Variants in ZFP64 observed in about 807,000 individuals in gnomAD.
The protein encoded by ZFP64 is ZFP64 zinc finger protein.
Under a neutral mutation model 51.6 loss-of-function variants are expected in ZFP64, and 14 were observed. The ratio of observed to expected loss-of-function variants is 0.27; its 90% CI spans 0.18 to 0.42. The LOEUF (loss-of-function observed/expected upper bound fraction) is 0.42, where lower values mean the gene tolerates loss of function less well. Ranked by LOEUF, ZFP64 falls within the 10% of genes least tolerant of loss-of-function variation. The probability of loss-of-function intolerance (pLI) is 1.00; values close to 1 mark genes in which losing one functional copy is unlikely to be tolerated. For missense variants in ZFP64, 754 were observed against 906.8 expected, an observed-to-expected ratio of 0.83 and a Z score of 2.16; for synonymous variants, 375 against 361.4, an observed-to-expected ratio of 1.04 and a Z score of -0.43.
rs3035409 is a variant in ZFP64, at chr20:52,099,319, C to CT, written c.764-733dup. ...AGCTGGATGCCATGGCAATGTCAAA[C>CT]TTTTTTTTTTTTTTTTAAGATGCTT... On this transcript the variant is annotated intron_variant, in intron 5 of 8. Coordinates refer to the ZFP64 transcript ENST00000361387. 5.3e-3 allele frequency among the ~76,000 whole-genome samples: 793 copies of CT among 150,008 alleles called. 4 individuals are homozygous for CT. Among genetic ancestry groups the CT allele is most frequent in the African/African-American group, 0.017 (702 of 40,970 alleles).
chr20:52,099,573 C>T (rs749612171), intron 5 of ZFP64, among the ~76,000 whole-genome samples: 1 of 152,224 alleles, frequency 6.6e-6, no homozygotes, highest in South Asian at 2.1e-4. Flanking sequence ...AGTGTGCTCA[C>T]TCACTGCAAG....
At position 52,175,115 on chromosome 20, in the gene ZFP64, C is replaced by CTTTTG. The variant is rs547789188; in HGVS notation, c.287-9095_287-9091dup. On this transcript the variant is annotated intron_variant, in intron 2 of 5. Coordinates refer to ENST00000216923, the MANE Select transcript of ZFP64 (RefSeq NM_018197.3). Reference sequence around the variant, plus strand: ...GCTTTTTGCAGATTAAGGATACTATCTTTTGTTTTGTTTTGTTTTGTTTTT... The same window carrying CTTTTG: ...GCTTTTTGCAGATTAAGGATACTATCTTTTGTTTTGTTTTGTTTTGTTTTGTTTTT... Among the ~76,000 whole-genome samples the CTTTTG allele has an allele frequency of 1.7e-3, 253 of 151,972 alleles. 1 individual carries two copies. Among genetic ancestry groups the CTTTTG allele is most frequent in the Non-Finnish European group, 3.0e-3 (205 of 67,950 alleles).
intron 5 of ZFP64, among the ~76,000 whole-genome samples, chr20:52,154,512 G>A (rs748765367): frequency 6.6e-6 from 1 of 152,034 alleles, no homozygotes; most frequent in Non-Finnish European, 1.5e-5. Flanking sequence ...GCTTTCTTAG[G>A]TCATAAACCC....
chr20:52,124,615 A>AT (rs1015694040), intron 5 of ZFP64, among the ~76,000 whole-genome samples: 75 of 142,514 alleles, frequency 5.3e-4, no homozygotes, highest in Non-Finnish European at 7.1e-4. Flanking sequence ...TTACTTTATT[A>AT]TTTTTTTTTT....
rs934109268 is a variant in ZFP64 at position 52,123,994 on chromosome 20, C to T, written c.764-25407G>A. Among the ~76,000 whole-genome samples the T allele has an allele frequency of 1.3e-4, 20 of 152,050 alleles. 2 individuals are homozygous for T. Among genetic ancestry groups the T allele is most frequent in the Admixed American group, 9.2e-4 (14 of 15,266 alleles). On this transcript the variant is annotated intron_variant, in intron 5 of 8. Coordinates refer to the ZFP64 transcript ENST00000361387. ...ACGCCATTCTCGTGCCTCAGCCTCC[C>T]GACTAGCTGGGACTACAGGCACCCG...
intron 5 of ZFP64, among the ~76,000 whole-genome samples, chr20:52,158,503 C>A: frequency 6.6e-6 from 1 of 152,144 alleles, no homozygotes; most frequent in Middle Eastern, 3.4e-3. Flanking sequence ...CTCAGGAGTT[C>A]GAGACCAGGC....
At chr20:52,093,533 A>T (rs1362425177) in intron 7 of ZFP64, among the ~76,000 whole-genome samples, 3 of 152,150 alleles carry the variant, frequency 2.0e-5, no homozygotes, top group Non-Finnish European at 4.4e-5. Context: ...CCCTACCTTA[A>T]CTACTGTTTA....
At chr20:52,177,158 G>A (rs1983288996) in intron 2 of ZFP64, among the ~76,000 whole-genome samples, 1 of 152,004 alleles carries the variant, frequency 6.6e-6, no homozygotes, top group African/African-American at 2.4e-5. Flanking sequence ...TGGTTGAATG[G>A]TTCTCAAATT....
intron 2 of ZFP64, among the ~76,000 whole-genome samples, chr20:52,180,451 A>G (rs1983534535): frequency 6.7e-6 from 1 of 149,426 alleles, no homozygotes; most frequent in African/African-American, 2.5e-5. Context: ...CAGAAACCTA[A>G]TTGTGGGAGT....
rs181001504 is a variant in ZFP64 at position 52,154,123 on chromosome 20, C to T, written c.764-695G>A. Among the ~76,000 whole-genome samples the T allele has an allele frequency of 4.2e-3, 632 of 152,280 alleles. 1 individual carries two copies. Among genetic ancestry groups the T allele is most frequent in the Middle Eastern group, 0.031 (9 of 294 alleles). On this transcript the variant is annotated intron_variant, in intron 5 of 5. Coordinates refer to ENST00000216923, the MANE Select transcript of ZFP64 (RefSeq NM_018197.3). ...TGGATACCATATTCCAAATTTACTT[C>T]CTCAATGAATGCCAAGTCCAAATTA...
At chr20:52,144,585 A>AAAAAAAAAAAAAAAAAAAAAAAAC (rs1980425825) in intron 5 of ZFP64, among the ~76,000 whole-genome samples, 1 of 147,262 alleles carries the variant, frequency 6.8e-6, no homozygotes, top group East Asian at 2.0e-4. Context: ...TCTCAAAAAA[A>AAAAAAAAAAAAAAAAAAAAAAAAC]AAAAAAAAAA....
At chr20:52,167,512 TC>T (rs1982379708) in intron 2 of ZFP64, among the ~76,000 whole-genome samples, 1 of 124,126 alleles carries the variant, frequency 8.1e-6, no homozygotes, top group African/African-American at 3.0e-5. Context: ...CCTCCCTTCC[TC>T]CCTCCCTCCC....
At chr20:52,111,009 C>A in intron 5 of ZFP64, 1 of 1,481,240 alleles carries the variant, frequency 6.8e-7, no homozygotes, top group Non-Finnish European at 9.4e-7. Flanking sequence ...TGACCGTATC[C>A]AGGGGAAGGG....
chr20:52,173,767 G>C (rs1316445409), intron 2 of ZFP64, among the ~76,000 whole-genome samples: 1 of 151,762 alleles, frequency 6.6e-6, no homozygotes, highest in Non-Finnish European at 1.5e-5. Flanking sequence ...TCCTGCCTCA[G>C]CCTCCTGAGT....
intron 7 of ZFP64, among the ~76,000 whole-genome samples, chr20:52,090,672 A>G (rs1295894522): frequency 1.3e-5 from 2 of 151,872 alleles, no homozygotes; most frequent in Non-Finnish European, 2.9e-5. Flanking sequence ...GGTGATGCAC[A>G]CCTGTAATCC....
chr20:52,109,198 T>C (rs1238345434), intron 5 of ZFP64, among the ~76,000 whole-genome samples: 1 of 151,986 alleles, frequency 6.6e-6, no homozygotes, highest in Non-Finnish European at 1.5e-5. Flanking sequence ...TCGCCCAGGC[T>C]GGAGTGCAGT....
At chr20:52,129,337 T>C (rs1979610034) in intron 5 of ZFP64, among the ~76,000 whole-genome samples, 1 of 151,822 alleles carries the variant, frequency 6.6e-6, no homozygotes, top group African/African-American at 2.4e-5. Context: ...TTTGTATTTT[T>C]AGTAGAGATG....
intron 7 of ZFP64, among the ~76,000 whole-genome samples, chr20:52,092,680 A>G (rs1160667684): frequency 6.6e-6 from 1 of 152,156 alleles, no homozygotes; most frequent in African/African-American, 2.4e-5. Context: ...AAGGTGAAAC[A>G]GCATCTCCAC....
chr20:52,157,513 G>GTTCC (rs1022952896), intron 5 of ZFP64, among the ~76,000 whole-genome samples: 1 of 152,166 alleles, frequency 6.6e-6, no homozygotes, highest in African/African-American at 2.4e-5. Context: ...TGGAAAGGAT[G>GTTCC]TTCCAATGGG....
Sources: gnomAD v4.1 joint callset for allele counts (sites outside exome capture counted in the v4.1 genomes callset) on GRCh38, gnomAD v4.1.1 for gene constraint, MANE v1.5 for transcripts, NCBI Gene and HGNC (gene_info 2026-07-23, HGNC 2026-07-21) for gene names.